USP38: variants seen among roughly 807,000 people sequenced by gnomAD.
USP38 encodes ubiquitin carboxyl-terminal hydrolase 38.
In USP38, 49 loss-of-function variants were observed where a neutral mutation model predicts 94.3. The ratio of observed to expected loss-of-function variants is 0.52; its 90% CI spans 0.41 to 0.66. USP38 has a LOEUF of 0.66. Among genes scored for constraint, USP38 ranks in the 30% least tolerant of loss-of-function variants. The pLI, the probability that USP38 is intolerant of heterozygous loss-of-function variation, is 0.00. For missense variants in USP38, 1,128 were observed against 1,229.4 expected (o/e 0.92, Z 1.23); for synonymous variants, 468 against 463.6 (o/e 1.01, Z -0.12).
chr4:143,212,641 A>G (rs1732059779), intron 8 of USP38, among the ~76,000 whole-genome samples: 1 of 152,100 alleles, frequency 6.6e-6, no homozygotes. Flanking sequence ...GTGTGAAACA[A>G]GGACCCCTGC....
intron 9 of USP38, among the ~76,000 whole-genome samples, chr4:143,219,437 A>G (rs1581171070): frequency 6.6e-6 from 1 of 152,146 alleles, no homozygotes; most frequent in Non-Finnish European, 1.5e-5. Flanking sequence ...CAAAATCACT[A>G]GGCCTTAAGT....
rs565089019 is a variant in USP38 at position 143,204,836 on chromosome 4, G to GT, written c.1210-1190dup. Among the ~76,000 whole-genome samples the GT allele has an allele frequency of 3.1e-3, 468 of 152,236 alleles. 1 individual carries two copies. Among genetic ancestry groups the GT allele is most frequent in the African/African-American group, 0.011 (446 of 41,560 alleles). On this transcript the variant is annotated intron_variant, in intron 5 of 9. Coordinates refer to ENST00000307017, the MANE Select transcript of USP38 (RefSeq NM_032557.6). ...TTATTAGAAATCAATTCTATTGATG[G>GT]TTTTTTTGAGATCTGAATTTCAACA...
At chr4:143,211,214 G>T (rs1445137991) in intron 7 of USP38, among the ~76,000 whole-genome samples, 1 of 152,136 alleles carries the variant, frequency 6.6e-6, no homozygotes, top group Non-Finnish European at 1.5e-5. Context: ...TTAAATTTCT[G>T]TCACAGTTGA....
chr4:143,201,428 A>C (rs1308315592), intron 4 of USP38, among the ~76,000 whole-genome samples: 1 of 152,174 alleles, frequency 6.6e-6, no homozygotes, highest in Non-Finnish European at 1.5e-5. Flanking sequence ...ACATAACTTT[A>C]TCATTCATTC....
At chr4:143,194,539 G>A (rs1007304757) in intron 2 of USP38, among the ~76,000 whole-genome samples, 22 of 151,516 alleles carry the variant, frequency 1.5e-4, no homozygotes, top group Non-Finnish European at 2.8e-4. Context: ...ACGGAGTCTC[G>A]CTCTGTTGTC....
intron 2 of USP38, among the ~76,000 whole-genome samples, chr4:143,192,940 G>A (rs751861389): frequency 2.0e-5 from 3 of 152,148 alleles, no homozygotes; most frequent in Non-Finnish European, 1.5e-5. Flanking sequence ...GAGTAATGAA[G>A]GATAATGAAA....
intron 3 of USP38, 68 bp downstream of exon 3, chr4:143,195,913 G>A: frequency 1.4e-6 from 2 of 1,401,168 alleles, no homozygotes; most frequent in Non-Finnish European, 9.5e-7. Flanking sequence ...TTCTTTGGGT[G>A]GTATCCTTGA....
intron 9 of USP38, among the ~76,000 whole-genome samples, chr4:143,216,534 G>A (rs1465586775): frequency 1.3e-5 from 2 of 150,766 alleles, no homozygotes; most frequent in East Asian, 1.9e-4. Flanking sequence ...GTGCAGTGCC[G>A]TGATCATGGT....
At chr4:143,219,973 C>T (rs772823643) in intron 9 of USP38, among the ~76,000 whole-genome samples, 18 of 152,024 alleles carry the variant, frequency 1.2e-4, no homozygotes, top group Non-Finnish European at 1.9e-4. Flanking sequence ...AGTCTTCTTC[C>T]TTTATTCATA....
chr4:143,207,157 A>G (rs1180152065), intron 6 of USP38, among the ~76,000 whole-genome samples: 1 of 152,256 alleles, frequency 6.6e-6, no homozygotes, highest in Non-Finnish European at 1.5e-5. Flanking sequence ...CCAATAAGCT[A>G]TTCATGGAAC....
chr4:143,218,473 G>T (rs945320084), intron 9 of USP38, among the ~76,000 whole-genome samples: 1 of 151,926 alleles, frequency 6.6e-6, no homozygotes, highest in African/African-American at 2.4e-5. Flanking sequence ...CTATTTTTAT[G>T]CATTGTCTAA....
chr4:143,209,475 AG>A (rs1385183775), intron 6 of USP38, 88 bp from the exon 7 acceptor site: 2 of 757,514 alleles, frequency 2.6e-6, no homozygotes, highest in African/African-American at 3.7e-5. Flanking sequence ...GGGCAACAAA[AG>A]GAAACTCTGT....
In USP38 at chr4:143,213,786, A is replaced by G. The variant is rs764607626; in HGVS notation, c.1810A>G (p.Arg604Gly). Residue 604 changes from arginine to glycine, a missense_variant, in exon 9 of 10, where the codon AGG (arginine) becomes GGG (glycine). Arg to Gly is a moderately radical substitution (Grantham distance 125). Coordinates refer to ENST00000307017, the MANE Select transcript of USP38 (RefSeq NM_032557.6). ...AACTCACATACGTTGTTTGAACTGC[A>G]GGAGTACCTCACAAAAAGTGGAAGC... Reference protein sequence around the residue: ...LRTHIRCLNCRSTSQKVEAFT... With the variant: ...LRTHIRCLNCGSTSQKVEAFT... 3.1e-6 allele frequency: 5 copies of G among 1,613,860 alleles called. No individual in the cohort carries two copies. In the South Asian group the frequency reaches 5.5e-5, roughly 18 times the overall value.
chr4:143,187,929 A>G lies in USP38; in HGVS notation c.786A>G (p.Val262=), dbSNP rs1731276152. 1.2e-6 allele frequency: 2 copies of G among 1,613,738 alleles called. No homozygotes were observed. Among genetic ancestry groups the G allele is most frequent in the Non-Finnish European group, 1.7e-6 (2 of 1,179,748 alleles). ...GGAGCCTTACTACGGATCCAAATGT[A>G]AAAGATGCAAGTATGACCCAAGCCC... is the stretch of plus-strand genomic sequence containing the variant. ...LIRSLTTDPN[V]KDASMTQALC... Residue 262 remains valine (V), a synonymous_variant, in exon 2 of 10, where the codon GTA becomes GTG. Transcript: ENST00000307017.
At chr4:143,199,499 C>T (rs1388412719) in intron 4 of USP38, among the ~76,000 whole-genome samples, 3 of 151,974 alleles carry the variant, frequency 2.0e-5, no homozygotes, top group Non-Finnish European at 4.4e-5. Context: ...TGGTGTATAC[C>T]CCATAATAGG....
In USP38 at chr4:143,214,445, A is replaced by G; in HGVS notation, c.2469A>G (p.Lys823=). Reference sequence around the variant, plus strand: ...ATCTTAGTGAGAACCTTGCTAAAAAATTAAAGCCTTCAGGGACTGATGAAG... The same window carrying G: ...ATCTTAGTGAGAACCTTGCTAAAAAGTTAAAGCCTTCAGGGACTGATGAAG... ...FTDLSENLAK[K]LKPSGTDEAS... The change falls in exon 9 of 10, where the codon AAA becomes AAG. Residue 823 remains lysine (K), a synonymous_variant. Transcript: ENST00000307017. 6.2e-7 allele frequency: 1 copy of G among 1,613,730 alleles called. No individual in the cohort carries two copies. Among genetic ancestry groups the G allele is most frequent in the Non-Finnish European group, 8.5e-7 (1 of 1,179,844 alleles).
chr4:143,217,523 G>A (rs2149613936), intron 9 of USP38, among the ~76,000 whole-genome samples: 1 of 152,250 alleles, frequency 6.6e-6, no homozygotes, highest in Admixed American at 6.5e-5. Context: ...TGAACATTTT[G>A]AGTTCCTCTG....
intron 9 of USP38, among the ~76,000 whole-genome samples, chr4:143,219,674 C>A (rs1732273431): frequency 6.6e-6 from 1 of 151,952 alleles, no homozygotes; most frequent in Admixed American, 6.6e-5. Flanking sequence ...TTTTAGAATC[C>A]AGTTGTATAC....
chr4:143,213,673 C>A lies in USP38; in HGVS notation c.1697C>A (p.Ala566Asp). 6.2e-7 allele frequency: 1 copy of A among 1,613,538 alleles called. No individual in the cohort carries two copies. The highest frequency in any genetic ancestry group is 8.5e-7 in the Non-Finnish European group (1 of 1,179,732). ...AGTGAAACTTCTTTACAGGAAGTAG[C>A]TAGTAAAGCAGCAGTACTAACAGAG... ...ECSETSLQEV[A>D]SKAAVLTETP... Residue 566 changes from alanine (A) to aspartate (D), a missense_variant, in exon 9 of 10, where the codon GCT becomes GAT. By Grantham distance (126) the Ala-to-Asp change is moderately radical. Coordinates refer to ENST00000307017, the MANE Select transcript of USP38 (RefSeq NM_032557.6).
Sources: allele counts gnomAD v4.1 joint callset (sites outside exome capture counted in the v4.1 genomes callset), GRCh38; gene constraint gnomAD v4.1.1; transcripts MANE v1.5; gene names NCBI Gene and HGNC (gene_info 2026-07-23, HGNC 2026-07-21).